The following CHSY1 variants were observed in gnomAD, a reference collection of about 807,000 sequenced individuals.
CHSY1 encodes the protein chondroitin sulfate synthase 1.
A neutral mutation model predicts 59.8 loss-of-function variants in CHSY1; 13 were observed. The observed-to-expected ratio is 0.22, with a 90% CI of 0.14 to 0.35. The LOEUF (loss-of-function observed/expected upper bound fraction) is 0.35. Ranked by LOEUF, CHSY1 falls within the 10% of genes least tolerant of loss-of-function variation. The pLI is 1.00. For missense variants in CHSY1, 947 were observed against 1,030.6 expected, an observed-to-expected ratio of 0.92 and a Z score of 1.11; for synonymous variants, 459 against 401.2, an observed-to-expected ratio of 1.14 and a Z score of -1.72.
At chr15:101,224,688 C>T (rs370976082) in intron 2 of CHSY1, among the ~76,000 whole-genome samples, 1 of 152,186 alleles carries the variant, frequency 6.6e-6, no homozygotes, top group East Asian at 1.9e-4. Context: ...CTAAGACCCA[C>T]AGGCAATGCT....
At chr15:101,213,597 T>C (rs2141262229) in intron 2 of CHSY1, among the ~76,000 whole-genome samples, 1 of 152,330 alleles carries the variant, frequency 6.6e-6, no homozygotes, top group East Asian at 1.9e-4. Flanking sequence ...AGATAAATCC[T>C]GTTTATCAAA....
At chr15:101,239,119 T>C (rs1274537808) in intron 1 of CHSY1, among the ~76,000 whole-genome samples, 1 of 152,238 alleles carries the variant, frequency 6.6e-6, no homozygotes, top group East Asian at 1.9e-4. Flanking sequence ...GAAATGTTTT[T>C]CATTTGGCAG....
intron 2 of CHSY1, among the ~76,000 whole-genome samples, chr15:101,209,735 T>C (rs2038665205): frequency 6.6e-6 from 1 of 152,198 alleles, no homozygotes. Flanking sequence ...TTATAAATAG[T>C]GAATCAGAAA....
rs1230115375 is a variant in CHSY1 at position 101,251,523 on chromosome 15, CCCGCGG to C, written c.-73_-68del. The C allele has an allele frequency of 2.1e-5, 6 of 284,288 alleles. No homozygotes were observed. The highest frequency in any genetic ancestry group is 3.0e-5 in the Non-Finnish European group (6 of 197,970). 17.6% of individuals were successfully genotyped at this position (284,288 alleles called of 1,614,324 possible). ...GCGCGCCCTCAGCCCGCTGCCCCCG[CCCGCGG>C]AGGCCAGCCCGCCCTAGCGCCGCGA... On this transcript the variant is annotated 5_prime_UTR_variant, in exon 1 of 3. Coordinates refer to ENST00000254190, the MANE Select transcript of CHSY1 (RefSeq NM_014918.5).
In CHSY1 at chr15:101,178,501, G is replaced by T. The variant is rs373244097; in HGVS notation, c.1296C>A (p.Ile432=). 4 of 1,614,120 alleles carry T rather than the reference G, an allele frequency of 2.5e-6. No homozygotes were observed. The highest frequency in any genetic ancestry group is 3.4e-6 in the Non-Finnish European group (4 of 1,180,050). ...TRGRIIDFKE[I]QYGYRRVNPM... ...GGTTCACCCGGCGGTAGCCGTACTG[G>T]ATCTCTTTGAAGTCAATGATGCGCC... The change falls in exon 3 of 3, where the codon ATC becomes ATA. Residue 432 remains isoleucine, a synonymous_variant. Coordinates refer to ENST00000254190, the MANE Select transcript of CHSY1 (RefSeq NM_014918.5).
intron 2 of CHSY1, among the ~76,000 whole-genome samples, chr15:101,213,606 A>G (rs996568732): frequency 2.6e-5 from 4 of 152,234 alleles, no homozygotes; most frequent in Non-Finnish European, 5.9e-5. Context: ...CTGTTTATCA[A>G]ATGTATTCCA....
At chr15:101,239,062 A>AC (rs766321751) in intron 1 of CHSY1, among the ~76,000 whole-genome samples, 2 of 151,636 alleles carry the variant, frequency 1.3e-5, no homozygotes, top group Middle Eastern at 3.4e-3. Flanking sequence ...TAGTGCAATG[A>AC]CCCCCCATTC....
chr15:101,195,685 C>T (rs997356367), intron 2 of CHSY1, among the ~76,000 whole-genome samples: 13 of 151,814 alleles, frequency 8.6e-5, no homozygotes, highest in African/African-American at 3.1e-4. Context: ...ATTAACCGGG[C>T]GTGGTGGCGG....
Position 101,251,517 on chromosome 15 carries a change from C to G in CHSY1, c.-61G>C, listed in dbSNP as rs1028553439. ...GGCTCCGCGCGCCCTCAGCCCGCTG[C>G]CCCCGCCCGCGGAGGCCAGCCCGCC... is the stretch of plus-strand genomic sequence containing the variant. On this transcript the variant is annotated 5_prime_UTR_variant, in exon 1 of 3. Coordinates refer to ENST00000254190, the MANE Select transcript of CHSY1 (RefSeq NM_014918.5). 4 of 401,348 alleles carry G rather than the reference C, an allele frequency of 1.0e-5. No homozygotes were observed. The highest frequency in any genetic ancestry group is 2.4e-5 in the African/African-American group (1 of 41,766). The allele number at this position is 401,348 out of a possible 1,614,324, so 24.9% of individuals were successfully genotyped here.
intron 2 of CHSY1, among the ~76,000 whole-genome samples, chr15:101,213,162 T>C (rs2038698446): frequency 6.6e-6 from 1 of 152,090 alleles, no homozygotes; most frequent in African/African-American, 2.4e-5. Flanking sequence ...AGGGCAACCA[T>C]GAATATAAAT....
chr15:101,207,032 A>C (rs965536097), intron 2 of CHSY1, among the ~76,000 whole-genome samples: 2 of 152,270 alleles, frequency 1.3e-5, no homozygotes, highest in African/African-American at 4.8e-5. Context: ...AATTTAAAAG[A>C]AACAAGACCA....
chr15:101,235,100 C>T lies in CHSY1; in HGVS notation c.798G>A (p.Gln266=), dbSNP rs149739984. Residue 266 remains glutamine (Q), a synonymous_variant, in exon 2 of 3, where the codon CAG becomes CAA. Transcript: ENST00000254190. The part of the protein sequence containing the change: ...GRCVRRFAGV[Q]CVWSYEMQQL... ...TTCTTACCTCATAAGACCAGACACA[C>T]TGCACCCCTGCAAACCTCCGGACAC... The T allele has an allele frequency of 3.3e-5, 54 of 1,614,046 alleles. No homozygotes were observed. In the African/African-American group the frequency reaches 6.4e-4, roughly 19 times the overall value.
intron 2 of CHSY1, among the ~76,000 whole-genome samples, chr15:101,213,469 G>A (rs538164135): frequency 1.4e-3 from 206 of 152,002 alleles, no homozygotes; most frequent in Non-Finnish European, 2.1e-3. Flanking sequence ...TAATAAGTAC[G>A]GTACAATTAA....
chr15:101,227,506 A>G (rs1212409170), intron 2 of CHSY1, among the ~76,000 whole-genome samples: 1 of 152,242 alleles, frequency 6.6e-6, no homozygotes, highest in African/African-American at 2.4e-5. Context: ...GCTAAATAAA[A>G]AGCTTAAAAA....
At chr15:101,188,246 C>G (rs778461377) in intron 2 of CHSY1, 186 of 954,730 alleles carry the variant, frequency 1.9e-4, no homozygotes, top group Non-Finnish European at 2.0e-4. Context: ...AGAAAGTAAG[C>G]GTTGTCTAAA....
At chr15:101,184,236 G>T (rs998803700) in intron 2 of CHSY1, among the ~76,000 whole-genome samples, 1 of 152,176 alleles carries the variant, frequency 6.6e-6, no homozygotes, top group Non-Finnish European at 1.5e-5. Context: ...GTGTGCTAAG[G>T]GGGTGAACAT....
intron 2 of CHSY1, among the ~76,000 whole-genome samples, chr15:101,203,004 T>C (rs980595489): frequency 2.0e-5 from 3 of 152,200 alleles, no homozygotes; most frequent in Non-Finnish European, 2.9e-5. Context: ...GAGAAAAACA[T>C]TACTAGTGCT....
In CHSY1 at chr15:101,211,443, C is replaced by T. The variant is rs138863474; in HGVS notation, c.816+23639G>A. On this transcript the variant is annotated intron_variant, in intron 2 of 2. Coordinates refer to ENST00000254190, the MANE Select transcript of CHSY1 (RefSeq NM_014918.5). ...AGAGATCTTAGAGTGAAAAAGAATA[C>T]TGAAAATAACATAAAACACGTATAG... Among the ~76,000 whole-genome samples the T allele has an allele frequency of 6.2e-3, 944 of 152,214 alleles. 8 individuals carry two copies. The highest frequency in any genetic ancestry group is 0.021 in the African/African-American group (883 of 41,550).
At chr15:101,249,767 G>C (rs978165812) in intron 1 of CHSY1, among the ~76,000 whole-genome samples, 2 of 152,068 alleles carry the variant, frequency 1.3e-5, no homozygotes, top group Non-Finnish European at 2.9e-5. Context: ...CGCCCGCCTC[G>C]GCCTCCCAAA....
Sources: gnomAD v4.1 joint callset for allele counts (sites outside exome capture counted in the v4.1 genomes callset) on GRCh38, gnomAD v4.1.1 for gene constraint, MANE v1.5 for transcripts, NCBI Gene and HGNC (gene_info 2026-07-23, HGNC 2026-07-21) for gene names.